Variants in SLC35D2 observed in about 807,000 individuals in gnomAD.
The protein encoded by SLC35D2 is solute carrier family 35 member D2.
In SLC35D2, 43 loss-of-function variants were observed where a neutral mutation model predicts 41.8. The observed-to-expected ratio is 1.03, with a 90% CI of 0.81 to 1.33. The LOEUF (loss-of-function observed/expected upper bound fraction) is 1.33, where lower values mean the gene tolerates loss of function less well. Ranked by LOEUF, SLC35D2 falls within the 40% of genes most tolerant of loss-of-function variation. SLC35D2 has a pLI of 0.00. For missense variants in SLC35D2, 380 were observed against 408.4 expected (o/e 0.93, Z 0.60); for synonymous variants, 150 against 163.9 (o/e 0.92, Z 0.65).
intron 6 of SLC35D2, among the ~76,000 whole-genome samples, chr9:96,346,096 A>G (rs1829563461): frequency 1.3e-5 from 2 of 152,218 alleles, no homozygotes. Context: ...GCCATGTCAT[A>G]ATTCAGAAAT....
intron 3 of SLC35D2, among the ~76,000 whole-genome samples, chr9:96,360,503 T>G (rs1011667868): frequency 6.6e-6 from 1 of 150,554 alleles, no homozygotes; most frequent in Non-Finnish European, 1.5e-5. Context: ...GTGGCACACA[T>G]CTATAGTCCC....
intron 4 of SLC35D2, among the ~76,000 whole-genome samples, chr9:96,358,240 C>A (rs1490986944): frequency 6.6e-6 from 1 of 151,388 alleles, no homozygotes; most frequent in Non-Finnish European, 1.5e-5. Flanking sequence ...TACAATTCTA[C>A]TTCTATGAGA....
chr9:96,344,200 C>T (rs1380337273), intron 7 of SLC35D2, among the ~76,000 whole-genome samples: 1 of 151,878 alleles, frequency 6.6e-6, no homozygotes, highest in Non-Finnish European at 1.5e-5. Flanking sequence ...TGTTTTACAC[C>T]AAAACTACAG....
intron 10 of SLC35D2, among the ~76,000 whole-genome samples, chr9:96,323,320 A>G (rs184618465): frequency 1.7e-3 from 265 of 152,218 alleles, no homozygotes; most frequent in Admixed American, 2.9e-3. Flanking sequence ...ATTCATGTGC[A>G]TGTGTGTGTA....
chr9:96,382,496 C>CTATATATATATATA (rs142809659), intron 1 of SLC35D2, among the ~76,000 whole-genome samples: 1 of 127,914 alleles, frequency 7.8e-6, no homozygotes, highest in African/African-American at 2.9e-5. Flanking sequence ...CACACACACA[C>CTATATATATATATA]TATATATATA....
At chr9:96,370,895 A>G (rs1044795183) in intron 1 of SLC35D2, among the ~76,000 whole-genome samples, 1 of 152,188 alleles carries the variant, frequency 6.6e-6, no homozygotes, top group African/African-American at 2.4e-5. Flanking sequence ...AGACCTAAGG[A>G]AACCAGCTAA....
In SLC35D2 at chr9:96,327,681, G is replaced by A. The variant is rs1473261628; in HGVS notation, c.753-3512C>T. On this transcript the variant is annotated intron_variant, in intron 9 of 11. Coordinates refer to ENST00000253270, the MANE Select transcript of SLC35D2 (RefSeq NM_007001.3). ...CTTTCGCCCAGGCTGGAGCGCAGTG[G>A]TGTGATCATGGTTCACTGCAGCCTC... Among the ~76,000 whole-genome samples, 6 of 151,290 alleles carry A rather than the reference G, an allele frequency of 4.0e-5. No homozygotes were observed. The East Asian group carries it at 1.2e-3, about 29-fold the overall frequency.
chr9:96,321,299 G>C lies in SLC35D2; in HGVS notation c.957C>G (p.Ser319Arg), dbSNP rs1387327309. Residue 319 changes from serine (S) to arginine (R), a missense_variant, in exon 12 of 12, where the codon AGC becomes AGG. Coordinates refer to ENST00000253270, the MANE Select transcript of SLC35D2 (RefSeq NM_007001.3). ...CACCCACAGGTTTAGGTTTTAACTGGCTGCTCAGTGTTAAAAAGGAATATC... is the reference window on the plus strand; with the variant it reads ...CACCCACAGGTTTAGGTTTTAACTGCCTGCTCAGTGTTAAAAAGGAATATC... ...GLRYSFLTLSSQLKPKPVGEE... is the reference protein window; with the variant it reads ...GLRYSFLTLSRQLKPKPVGEE... 7 of 1,613,862 alleles carry C rather than the reference G, an allele frequency of 4.3e-6. No individual in the cohort carries two copies. The highest frequency in any genetic ancestry group is 1.1e-5 in the South Asian group (1 of 91,068).
intron 1 of SLC35D2, among the ~76,000 whole-genome samples, chr9:96,376,077 C>T (rs1431144365): frequency 1.3e-5 from 2 of 151,528 alleles, no homozygotes; most frequent in African/African-American, 2.4e-5. Flanking sequence ...AGGCGAATCA[C>T]GAGGTCAAGA....
intron 9 of SLC35D2, among the ~76,000 whole-genome samples, chr9:96,329,435 G>C (rs543961495): frequency 6.6e-6 from 1 of 152,170 alleles, no homozygotes; most frequent in African/African-American, 2.4e-5. Context: ...ATGTTGCCCA[G>C]GCTGGTCTCA....
intron 9 of SLC35D2, among the ~76,000 whole-genome samples, chr9:96,335,467 CTT>C (rs1829007083): frequency 6.6e-6 from 1 of 152,118 alleles, no homozygotes; most frequent in Admixed American, 6.5e-5. Flanking sequence ...TCAAGCGATT[CTT>C]CTGCCTCAGA....
At chr9:96,332,239 C>T (rs986073707) in intron 9 of SLC35D2, among the ~76,000 whole-genome samples, 10 of 152,038 alleles carry the variant, frequency 6.6e-5, no homozygotes, top group African/African-American at 1.9e-4. Context: ...TCTGGAGTTG[C>T]GGTGTGTGTG....
intron 10 of SLC35D2, among the ~76,000 whole-genome samples, chr9:96,323,246 C>T (rs936367534): frequency 1.6e-4 from 25 of 152,186 alleles, no homozygotes; most frequent in Admixed American, 5.9e-4. Context: ...CACTCTAGGA[C>T]TTCATGTGAA....
intron 1 of SLC35D2, among the ~76,000 whole-genome samples, chr9:96,382,478 C>T: frequency 6.9e-6 from 1 of 144,492 alleles, no homozygotes; most frequent in Non-Finnish European, 1.5e-5. Flanking sequence ...CACACACACA[C>T]ACACACACAC....
At chr9:96,363,009 G>A (rs981829404) in intron 3 of SLC35D2, among the ~76,000 whole-genome samples, 1 of 151,782 alleles carries the variant, frequency 6.6e-6, no homozygotes, top group Non-Finnish European at 1.5e-5. Context: ...TGGGACTACA[G>A]GTGTGCGCCA....
chr9:96,383,400 G>C, intron 1 of SLC35D2, 77 bp downstream of exon 1: 1 of 1,241,000 alleles, frequency 8.1e-7, no homozygotes, highest in Non-Finnish European at 1.1e-6. Context: ...GCCCTGTCCC[G>C]GGCGCCGCTG....
At chr9:96,351,249 A>C (rs1829801864) in intron 5 of SLC35D2, 78 bp from the exon 6 acceptor site, 18 of 1,066,682 alleles carry the variant, frequency 1.7e-5, no homozygotes, top group Non-Finnish European at 2.8e-6. Flanking sequence ...TTTTAAACAA[A>C]TTGAAAATAG....
intron 4 of SLC35D2, among the ~76,000 whole-genome samples, chr9:96,356,432 T>G (rs988332028): frequency 6.6e-6 from 1 of 150,710 alleles, no homozygotes; most frequent in African/African-American, 2.4e-5. Context: ...ATTTTAAAAT[T>G]AATAAGGAAA....
At position 96,382,494 on chromosome 9, in the gene SLC35D2, CACTA is replaced by C. The variant is rs1369945077; in HGVS notation, c.158+979_158+982del. Among the ~76,000 whole-genome samples the C allele has an allele frequency of 1.5e-3, 210 of 143,684 alleles. 2 individuals carry two copies. The highest frequency in any genetic ancestry group is 5.2e-3 in the African/African-American group (190 of 36,464). The allele number at this position is 143,684 out of a possible 152,430, so 94.3% of individuals were successfully genotyped here. The stretch of plus-strand genomic sequence containing the variant: ...ACACACACACACACACACACACACA[CACTA>C]TATATATATATATATATATGCCTGC... On this transcript the variant is annotated intron_variant, in intron 1 of 11. Transcript: ENST00000253270.
Sources: gnomAD v4.1 joint callset for allele counts (sites outside exome capture counted in the v4.1 genomes callset) on GRCh38, gnomAD v4.1.1 for gene constraint, MANE v1.5 for transcripts, NCBI Gene and HGNC (gene_info 2026-07-23, HGNC 2026-07-21) for gene names.